Variants in CELF4 observed in about 807,000 individuals in gnomAD.
CELF4 encodes the protein CUGBP Elav-like family member 4, also known as CUG-BP- and ETR-3-like factor 4.
A neutral mutation model predicts 59.9 loss-of-function variants in CELF4; 18 were observed. The observed-to-expected ratio is 0.30, with a 90% CI of 0.21 to 0.45. The LOEUF (loss-of-function observed/expected upper bound fraction) is 0.45, where lower values mean the gene tolerates loss of function less well. CELF4 is among the 20% of genes least tolerant of loss of function. The pLI, the probability that CELF4 is intolerant of heterozygous loss-of-function variation, is 1.00. For missense variants in CELF4, 456 were observed against 689.0 expected, an observed-to-expected ratio of 0.66 and a Z score of 3.79; for synonymous variants, 261 against 267.1, an observed-to-expected ratio of 0.98 and a Z score of 0.22.
intron 1 of CELF4, among the ~76,000 whole-genome samples, chr18:37,508,657 C>G (rs1171352415): frequency 2.0e-5 from 3 of 152,222 alleles, no homozygotes; most frequent in Non-Finnish European, 2.9e-5. Flanking sequence ...CATCACATCT[C>G]TGTGTGTGCT....
intron 2 of CELF4, among the ~76,000 whole-genome samples, chr18:37,377,114 GGA>G (rs1055232772): frequency 2.6e-5 from 4 of 152,216 alleles, no homozygotes; most frequent in African/African-American, 9.6e-5. Flanking sequence ...AAATGGAGAA[GGA>G]GAGAGAGAAA....
intron 3 of CELF4, among the ~76,000 whole-genome samples, chr18:37,279,215 T>C (rs1272712983): frequency 6.6e-6 from 1 of 152,154 alleles, no homozygotes; most frequent in Non-Finnish European, 1.5e-5. Context: ...GCTGCCCCTC[T>C]GAAGACACAT....
At chr18:37,429,362 T>C (rs1223527637) in intron 2 of CELF4, among the ~76,000 whole-genome samples, 1 of 152,100 alleles carries the variant, frequency 6.6e-6, no homozygotes, top group African/African-American at 2.4e-5. Context: ...GTGCTCTGTA[T>C]GTCTGTGTGC....
At chr18:37,422,055 C>G (rs1471664407) in intron 2 of CELF4, among the ~76,000 whole-genome samples, 1 of 152,218 alleles carries the variant, frequency 6.6e-6, no homozygotes, top group African/African-American at 2.4e-5. Flanking sequence ...CTGGAAGACA[C>G]GGCGCTCAGT....
intron 2 of CELF4, among the ~76,000 whole-genome samples, chr18:37,341,630 C>T (rs1470270760): frequency 6.6e-6 from 1 of 152,186 alleles, no homozygotes; most frequent in Non-Finnish European, 1.5e-5. Flanking sequence ...AGAGTGTCCT[C>T]TGCCCCATGA....
At chr18:37,282,403 G>C (rs2094258482) in intron 3 of CELF4, among the ~76,000 whole-genome samples, 1 of 152,124 alleles carries the variant, frequency 6.6e-6, no homozygotes, top group South Asian at 2.1e-4. Flanking sequence ...TCCCTACATG[G>C]CATTTCCATG....
At chr18:37,359,630 T>A (rs1272272127) in intron 2 of CELF4, among the ~76,000 whole-genome samples, 1 of 152,062 alleles carries the variant, frequency 6.6e-6, no homozygotes, top group Admixed American at 6.5e-5. Flanking sequence ...GCATGAGCCC[T>A]CTGTGCTCGG....
chr18:37,501,198 C>T (rs73947257), intron 1 of CELF4, among the ~76,000 whole-genome samples: 1,962 of 152,340 alleles, frequency 0.013, 48 homozygotes, highest in African/African-American at 0.043. Flanking sequence ...GGAAGCTGCA[C>T]GTTAGCTCAG....
chr18:37,296,920 A>T (rs9966319), intron 3 of CELF4, among the ~76,000 whole-genome samples: 72,913 of 151,890 alleles, frequency 0.48, 17,908 homozygotes, highest in South Asian at 0.62. Flanking sequence ...CAGAATCTCC[A>T]CTCCAGCCTT....
intron 2 of CELF4, among the ~76,000 whole-genome samples, chr18:37,354,047 G>A (rs1236187833): frequency 2.0e-5 from 3 of 152,112 alleles, no homozygotes; most frequent in Admixed American, 6.5e-5. Flanking sequence ...GAGCCACTGC[G>A]CCTGGCCTGT....
intron 6 of CELF4, 61 bp from the exon 7 acceptor site, chr18:37,273,224 G>A (rs536960184): frequency 1.1e-5 from 17 of 1,564,018 alleles, no homozygotes; most frequent in Admixed American, 8.8e-5. Flanking sequence ...TCCCCGACAG[G>A]GGCCTCAGCT....
intron 2 of CELF4, among the ~76,000 whole-genome samples, chr18:37,393,046 CAGACACAGGGACTGCGGTGTGTTAGAG>C (rs139144652): frequency 0.49 from 72,895 of 149,228 alleles, 19,141 homozygotes; most frequent in East Asian, 0.68. Context: ...GTGTGTTGCA[CAGACACAGGGACTGCGGTGTGTTAGAG>C]AGACACAGGG....
At chr18:37,249,657 C>A (rs1311026592) in intron 12 of CELF4, among the ~76,000 whole-genome samples, 3 of 152,178 alleles carry the variant, frequency 2.0e-5, no homozygotes, top group Non-Finnish European at 4.4e-5. Context: ...AGCAGCTCCT[C>A]TTCTGCCTGC....
chr18:37,297,648 T>C (rs1003061634), intron 3 of CELF4, among the ~76,000 whole-genome samples: 7 of 152,260 alleles, frequency 4.6e-5, no homozygotes, highest in African/African-American at 1.4e-4. Context: ...TGTGAAGATA[T>C]AGAGCATTTC....
In CELF4 at chr18:37,558,381, GTTTTTT is replaced by G. The variant is rs140019882; in HGVS notation, c.286+6969_286+6974del. Reference sequence around the variant, plus strand: ...TGCAGCTTTTACTACCCCTGTAACAGTTTTTTTTTTTTTTTTTTTTCCCTGTCCTGG... The same window carrying G: ...TGCAGCTTTTACTACCCCTGTAACAGTTTTTTTTTTTTTTCCCTGTCCTGG... On this transcript the variant is annotated intron_variant, in intron 1 of 12. Transcript: ENST00000420428. Among the ~76,000 whole-genome samples, 841 of 139,848 alleles carry G rather than the reference GTTTTTT, an allele frequency of 6.0e-3. 2 individuals carry two copies. Among genetic ancestry groups the G allele is most frequent in the Middle Eastern group, 7.4e-3 (2 of 270 alleles). The allele number at this position is 139,848 out of a possible 152,430, so 91.7% of individuals were successfully genotyped here.
intron 1 of CELF4, among the ~76,000 whole-genome samples, chr18:37,516,426 G>T (rs2154604500): frequency 6.6e-6 from 1 of 152,308 alleles, no homozygotes; most frequent in Non-Finnish European, 1.5e-5. Flanking sequence ...GCCAACACTA[G>T]CCTGGCTCCT....
At chr18:37,403,898 T>A (rs1295437051) in intron 2 of CELF4, among the ~76,000 whole-genome samples, 1 of 152,154 alleles carries the variant, frequency 6.6e-6, no homozygotes, top group Non-Finnish European at 1.5e-5. Flanking sequence ...CTAATTCTCA[T>A]TCCTATTCTC....
intron 2 of CELF4, among the ~76,000 whole-genome samples, chr18:37,432,511 G>A (rs1263426071): frequency 6.6e-6 from 1 of 152,186 alleles, no homozygotes; most frequent in South Asian, 2.1e-4. Flanking sequence ...CGCTGCACCC[G>A]GACCAAGCAA....
intron 2 of CELF4, among the ~76,000 whole-genome samples, chr18:37,475,234 G>A (rs1056858545): frequency 6.6e-6 from 1 of 152,212 alleles, no homozygotes; most frequent in African/African-American, 2.4e-5. Context: ...TCTGCTTCTG[G>A]GGGCGCTCCA....
Sources: allele counts gnomAD v4.1 joint callset (sites outside exome capture counted in the v4.1 genomes callset), GRCh38; gene constraint gnomAD v4.1.1; transcripts MANE v1.5; gene names NCBI Gene and HGNC (gene_info 2026-07-23, HGNC 2026-07-21).